TSHZ2: variants seen among roughly 807,000 people sequenced by gnomAD.
TSHZ2 encodes the protein teashirt zinc finger homeobox 2, also known as teashirt homolog 2.
TSHZ2 carries 21 observed loss-of-function variants against 74.4 expected under a neutral mutation model. The observed-to-expected ratio is 0.28, with a 90% confidence interval of 0.20 to 0.41. The LOEUF is 0.41. Ranked by LOEUF, TSHZ2 falls within the 10% of genes least tolerant of loss-of-function variation. The probability of loss-of-function intolerance (pLI) is 1.00; values close to 1 mark genes in which losing one functional copy is unlikely to be tolerated. For missense variants in TSHZ2, 1,244 were observed against 1,293.5 expected (o/e 0.96, Z 0.59); for synonymous variants, 540 against 515.3 (o/e 1.05, Z -0.65).
intron 2 of TSHZ2, among the ~76,000 whole-genome samples, chr20:53,289,711 C>G (rs6022376): frequency 6.6e-6 from 1 of 152,042 alleles, no homozygotes; most frequent in Non-Finnish European, 1.5e-5. Context: ...GAGCTGAGAC[C>G]TGAATGAATC....
intron 1 of TSHZ2, among the ~76,000 whole-genome samples, chr20:52,978,211 G>A (rs962500382): frequency 6.6e-6 from 1 of 152,122 alleles, no homozygotes; most frequent in Non-Finnish European, 1.5e-5. Flanking sequence ...GCTGTCCATT[G>A]AATGGGTTTT....
At position 53,452,359 on chromosome 20, in the gene TSHZ2, G is replaced by T. The variant is rs187146795; in HGVS notation, c.*9-34785G>T. 4.2e-3 allele frequency among the ~76,000 whole-genome samples: 640 copies of T among 152,284 alleles called. 3 individuals carry two copies. The highest frequency in any genetic ancestry group is 0.024 in the Middle Eastern group (7 of 292). ...TCACGCCTGTAGTCCCAGCACTTTG[G>T]GAGGCCGAGGCAGGTAAATCACTTG... On this transcript the variant is annotated intron_variant, in intron 2 of 2. Coordinates refer to ENST00000371497, the MANE Select transcript of TSHZ2 (RefSeq NM_173485.6).
intron 2 of TSHZ2, among the ~76,000 whole-genome samples, chr20:53,354,358 G>T (rs1980764678): frequency 6.6e-6 from 1 of 152,174 alleles, no homozygotes; most frequent in Non-Finnish European, 1.5e-5. Context: ...TCTTTTAGGA[G>T]ATCTTCTTGA....
chr20:53,208,568 C>T (rs1303404715), intron 1 of TSHZ2: 3 of 152,244 alleles, frequency 2.0e-5, no homozygotes, highest in South Asian at 2.1e-4. Context: ...TAATGACTCC[C>T]AACACGTACG....
intron 1 of TSHZ2, among the ~76,000 whole-genome samples, chr20:53,100,552 CAGAG>C (rs367647251): frequency 1.3e-5 from 2 of 151,964 alleles, no homozygotes; most frequent in Non-Finnish European, 2.9e-5. Flanking sequence ...TGAAGGTATG[CAGAG>C]AGAGAGAGTG....
rs1398809132 is a variant in TSHZ2, at chr20:53,074,807, A to G, written c.40+101474A>G. ...GTGTATTACTCGTTTTTCAACAGAG[A>G]TATGTATTGTTAGTCCCATTTAACA... On this transcript the variant is annotated intron_variant, in intron 1 of 2. Transcript: ENST00000371497. The surrounding 1 kb of genome is among the most constrained non-coding windows in gnomAD (Gnocchi z 5.9). 6.6e-6 allele frequency among the ~76,000 whole-genome samples: 1 copy of G among 152,196 alleles called. No homozygotes were observed. The highest frequency in any genetic ancestry group is 1.5e-5 in the Non-Finnish European group (1 of 68,034).
intron 1 of TSHZ2, among the ~76,000 whole-genome samples, chr20:53,192,571 A>AAAC (rs1381080271): frequency 6.6e-6 from 1 of 151,048 alleles, no homozygotes; most frequent in Non-Finnish European, 1.5e-5. Flanking sequence ...GGAAAAAAAA[A>AAAC]AAAAAAACCC....
At chr20:53,168,853 T>C (rs2123479986) in intron 1 of TSHZ2, 1 of 152,188 alleles carries the variant, frequency 6.6e-6, no homozygotes, top group Middle Eastern at 3.4e-3. Context: ...GGTCTTCCTG[T>C]AGCAAGAGAA....
intron 1 of TSHZ2, among the ~76,000 whole-genome samples, chr20:53,015,158 A>G (rs1982989560): frequency 6.6e-6 from 1 of 152,000 alleles, no homozygotes; most frequent in African/African-American, 2.4e-5. Context: ...CATCATTGTC[A>G]CTGTCACCTC....
chr20:53,240,323 T>C (rs1029474486), intron 1 of TSHZ2, among the ~76,000 whole-genome samples: 2 of 152,154 alleles, frequency 1.3e-5, no homozygotes, highest in Admixed American at 1.3e-4. Context: ...AGACCTGGGA[T>C]GGGACCAACC....
chr20:53,024,062 T>C (rs1983346104), intron 1 of TSHZ2, among the ~76,000 whole-genome samples: 1 of 151,998 alleles, frequency 6.6e-6, no homozygotes, highest in Admixed American at 6.6e-5. Context: ...ATTGAAGTAG[T>C]GTGGGTGGGA....
At position 53,090,199 on chromosome 20, in the gene TSHZ2, C is replaced by G. The variant is rs1035283004; in HGVS notation, c.40+116866C>G. Among the ~76,000 whole-genome samples, 4 of 146,824 alleles carry G rather than the reference C, an allele frequency of 2.7e-5. No individual in the cohort carries two copies. The East Asian group carries it at 7.7e-4, about 28-fold the overall frequency. On this transcript the variant is annotated intron_variant, in intron 1 of 2. Transcript: ENST00000371497. ...AGCAAATCTGCTCTTTCCATCTTCTCCTGCCTGCTTTATTGTAGCTGTGCT... is the reference window on the plus strand; with the variant it reads ...AGCAAATCTGCTCTTTCCATCTTCTGCTGCCTGCTTTATTGTAGCTGTGCT...
At chr20:53,111,357 A>G (rs1986530214) in intron 1 of TSHZ2, among the ~76,000 whole-genome samples, 1 of 152,158 alleles carries the variant, frequency 6.6e-6, no homozygotes, top group Admixed American at 6.5e-5. Context: ...GTTTTGCTAC[A>G]CTAAACTCCC....
At chr20:53,007,043 T>G (rs1032985726) in intron 1 of TSHZ2, among the ~76,000 whole-genome samples, 9 of 152,152 alleles carry the variant, frequency 5.9e-5, no homozygotes, top group Non-Finnish European at 1.3e-4. Context: ...TCTCAATAAT[T>G]CTTTAATTGC....
At chr20:53,021,347 A>G (rs6022220) in intron 1 of TSHZ2, among the ~76,000 whole-genome samples, 122,903 of 152,142 alleles carry the variant, frequency 0.81, 50,099 homozygotes, top group East Asian at 0.93. Context: ...ATCAGAAACC[A>G]TGACAATGGA....
In TSHZ2 at chr20:53,293,400, T is replaced by C. The variant is rs138145016; in HGVS notation, c.*8+36829T>C. Among the ~76,000 whole-genome samples the C allele has an allele frequency of 1.5e-4, 23 of 151,970 alleles. No individual in the cohort carries two copies. In the East Asian group the frequency reaches 2.1e-3, roughly 14 times the overall value. ...ATTGCTTGAACACAGGAGGCAGAGA[T>C]TGCAGTGAGCTGAGATCATGCCACT... is the stretch of plus-strand genomic sequence containing the variant. On this transcript the variant is annotated intron_variant, in intron 2 of 2. Coordinates refer to ENST00000371497, the MANE Select transcript of TSHZ2 (RefSeq NM_173485.6).
At chr20:53,264,463 G>A (rs927387865) in intron 2 of TSHZ2, among the ~76,000 whole-genome samples, 1 of 152,208 alleles carries the variant, frequency 6.6e-6, no homozygotes, top group Non-Finnish European at 1.5e-5. Context: ...CCTTTAAAGT[G>A]CATAGTCTTA....
At position 53,372,151 on chromosome 20, in the gene TSHZ2, GC is replaced by G. The variant is rs146865846; in HGVS notation, c.*9-114991del. 2.3e-3 allele frequency among the ~76,000 whole-genome samples: 349 copies of G among 152,200 alleles called. 3 individuals carry two copies. The highest frequency in any genetic ancestry group is 8.1e-3 in the African/African-American group (338 of 41,506). ...AGGTCACATTCTGAGGTTCCAAACG[GC>G]CATCAATTTTGAGGTGACTCTCTTC... On this transcript the variant is annotated intron_variant, in intron 2 of 2. Transcript: ENST00000371497.
chr20:53,178,597 A>G (rs1988399208), intron 1 of TSHZ2: 1 of 152,210 alleles, frequency 6.6e-6, no homozygotes, highest in Non-Finnish European at 1.5e-5. Flanking sequence ...TTGCATCCCA[A>G]TTTCATGTGG....
Sources: allele counts gnomAD v4.1 joint callset (sites outside exome capture counted in the v4.1 genomes callset), GRCh38; gene constraint gnomAD v4.1.1; non-coding constraint Gnocchi (gnomAD v3.1); transcripts MANE v1.5; gene names NCBI Gene and HGNC (gene_info 2026-07-23, HGNC 2026-07-21).